The following LINGO2 variants were observed in gnomAD, a reference collection of about 807,000 sequenced individuals.
LINGO2 encodes leucine-rich repeat and immunoglobulin-like domain-containing nogo receptor-interacting protein 2.
A neutral mutation model predicts 30.6 loss-of-function variants in LINGO2; 14 were observed. The observed-to-expected ratio is 0.46, with a 90% CI of 0.30 to 0.72. The LOEUF (loss-of-function observed/expected upper bound fraction) is 0.72, where lower values mean the gene tolerates loss of function less well. Ranked by LOEUF, LINGO2 falls within the 30% of genes least tolerant of loss-of-function variation. The pLI, the probability that LINGO2 is intolerant of heterozygous loss-of-function variation, is 0.07. For synonymous variants in LINGO2, 317 were observed against 288.5 expected (o/e 1.10, Z -1.00); for missense variants, 729 against 751.7 (o/e 0.97, Z 0.35).
chr9:28,990,076 G>A, the LINGO2 span, among the ~76,000 whole-genome samples: 5 of 152,340 alleles, frequency 3.3e-5, no homozygotes, highest in East Asian at 1.9e-4. Flanking sequence ...TGCGTGAGCC[G>A]AAGCAGGGTG....
the LINGO2 span, among the ~76,000 whole-genome samples, chr9:28,999,528 T>C: frequency 5.3e-5 from 8 of 152,080 alleles, no homozygotes; most frequent in African/African-American, 1.9e-4. Context: ...ATTCTATAAC[T>C]AATTCAGAAT....
intron 2 of LINGO2, among the ~76,000 whole-genome samples, chr9:28,411,951 G>T (rs2150854): frequency 0.27 from 40,805 of 151,746 alleles, 5,986 homozygotes; most frequent in Non-Finnish European, 0.32. Context: ...TAAAAATATT[G>T]ATTTCAATAG....
the LINGO2 span, among the ~76,000 whole-genome samples, chr9:29,046,853 C>G: frequency 6.6e-6 from 1 of 151,888 alleles, no homozygotes; most frequent in Non-Finnish European, 1.5e-5. Flanking sequence ...CCGAGGCAGA[C>G]AGATCACTCG....
rs989593703 is a variant in LINGO2 at position 28,016,010 on chromosome 9, A to AG, written c.-86-3606_-86-3605insC. On this transcript the variant is annotated intron_variant, in intron 4 of 5. Transcript: ENST00000379992. Reference sequence around the variant, plus strand: ...AAAGTAAAAGGGACAAAAAAAAAAAAAAAAGATACCTCAGGGATATATTAA... The same window carrying AG: ...AAAGTAAAAGGGACAAAAAAAAAAAAGAAAAGATACCTCAGGGATATATTAA... Among the ~76,000 whole-genome samples the AG allele has an allele frequency of 1.3e-4, 20 of 151,650 alleles. 2 individuals carry two copies. In the South Asian group the frequency reaches 2.3e-3, roughly 17 times the overall value.
At chr9:28,881,823 G>C in the LINGO2 span, among the ~76,000 whole-genome samples, 1 of 152,022 alleles carries the variant, frequency 6.6e-6, no homozygotes, top group Non-Finnish European at 1.5e-5. Flanking sequence ...CCCTCTGCCA[G>C]GCCACAGGAT....
the LINGO2 span, among the ~76,000 whole-genome samples, chr9:28,887,798 C>G: frequency 6.6e-6 from 1 of 152,098 alleles, no homozygotes; most frequent in African/African-American, 2.4e-5. Context: ...TGAAAACATG[C>G]TTTCAATCGA....
the LINGO2 span, among the ~76,000 whole-genome samples, chr9:28,845,781 G>T: frequency 6.7e-6 from 1 of 150,182 alleles, no homozygotes; most frequent in African/African-American, 2.5e-5. Context: ...TCTTTCAATT[G>T]GTATAAAAAA....
At chr9:28,185,946 T>C (rs1819525577) in intron 4 of LINGO2, among the ~76,000 whole-genome samples, 1 of 152,154 alleles carries the variant, frequency 6.6e-6, no homozygotes, top group Non-Finnish European at 1.5e-5. Flanking sequence ...GCATAAGTTT[T>C]CATCACTAAA....
the LINGO2 span, among the ~76,000 whole-genome samples, chr9:29,066,263 G>C: frequency 6.6e-6 from 1 of 151,858 alleles, no homozygotes; most frequent in Non-Finnish European, 1.5e-5. Context: ...GTTAATTCTA[G>C]AAGCTGAAAC....
the LINGO2 span, among the ~76,000 whole-genome samples, chr9:29,029,452 T>C: frequency 6.7e-4 from 102 of 152,172 alleles, no homozygotes; most frequent in African/African-American, 2.3e-3. Flanking sequence ...ATCTTGAAAA[T>C]GGGTAGCAGA....
the LINGO2 span, among the ~76,000 whole-genome samples, chr9:28,926,256 G>A: frequency 1.3e-5 from 2 of 152,184 alleles, no homozygotes; most frequent in Non-Finnish European, 2.9e-5. Context: ...AGAGGTTGCA[G>A]TGAGCCGAGA....
rs113499837 is a variant in LINGO2, at chr9:28,355,339, C to G, written c.-246+17497G>C. ...TCTCTCTCTCTCTGTCTCTGTCTCTCTCTCTCTCTCTCTCTCCCTCCCTCT... is the reference window on the plus strand; with the variant it reads ...TCTCTCTCTCTCTGTCTCTGTCTCTGTCTCTCTCTCTCTCTCCCTCCCTCT... On this transcript the variant is annotated intron_variant, in intron 3 of 5. Transcript: ENST00000379992. Among the ~76,000 whole-genome samples, 373 of 137,420 alleles carry G rather than the reference C, an allele frequency of 2.7e-3. 15 individuals are homozygous for G. The highest frequency in any genetic ancestry group is 0.026 in the Admixed American group (347 of 13,442). The allele number at this position is 137,420 out of a possible 152,430, so 90.2% of individuals were successfully genotyped here. A position where few individuals can be genotyped will look rare whatever the true frequency, so the allele number is the denominator to read the frequency against.
intron 4 of LINGO2, among the ~76,000 whole-genome samples, chr9:28,233,340 G>T (rs1356861784): frequency 1.3e-5 from 2 of 151,896 alleles, no homozygotes; most frequent in Admixed American, 1.3e-4. Flanking sequence ...GTAACATTAT[G>T]AAGACAATTA....
the LINGO2 span, among the ~76,000 whole-genome samples, chr9:28,847,122 G>C: frequency 1.0e-4 from 15 of 148,290 alleles, 2 homozygotes; most frequent in African/African-American, 3.5e-4. Context: ...CTCTCAATCA[G>C]AGGGGTAGAT....
At chr9:27,950,299 A>G (rs1277984842) in exon 6 of LINGO2, 4 of 1,614,154 alleles carry the variant, frequency 2.5e-6, no homozygotes, top group Admixed American at 3.3e-5. Flanking sequence ...AGCCCCGTGA[A>G]TACTCCCAAA....
the LINGO2 span, among the ~76,000 whole-genome samples, chr9:29,074,839 C>CTTTT: frequency 6.8e-6 from 1 of 146,536 alleles, no homozygotes. Context: ...AGCTAATTTG[C>CTTTT]TTTTTTTTTT....
At chr9:27,952,349 G>T (rs10812704) in intron 5 of LINGO2, among the ~76,000 whole-genome samples, 81,378 of 151,634 alleles carry the variant, frequency 0.54, 23,853 homozygotes, top group East Asian at 0.8. Context: ...CTAAAAGAGA[G>T]ATGTACTATG....
intron 1 of LINGO2, among the ~76,000 whole-genome samples, chr9:28,615,127 G>T (rs943611205): frequency 6.6e-6 from 1 of 152,040 alleles, no homozygotes; most frequent in Admixed American, 6.6e-5. Flanking sequence ...AAGACAAAAA[G>T]AAAATTTAAT....
chr9:28,748,297 T>C, the LINGO2 span, among the ~76,000 whole-genome samples: 1 of 152,048 alleles, frequency 6.6e-6, no homozygotes, highest in Non-Finnish European at 1.5e-5. Flanking sequence ...TAGCCTACAT[T>C]TGATTTGCAC....
Sources: allele counts gnomAD v4.1 joint callset (sites outside exome capture counted in the v4.1 genomes callset), GRCh38; gene constraint gnomAD v4.1.1; transcripts MANE v1.5; gene names NCBI Gene and HGNC (gene_info 2026-07-23, HGNC 2026-07-21).